Variants in CHN2 observed in about 807,000 individuals in gnomAD.
CHN2 encodes chimerin 2.
In CHN2, 35 loss-of-function variants were observed where a neutral mutation model predicts 56.3. That is an observed-to-expected ratio of 0.62 (90% CI 0.47 to 0.82). The LOEUF is 0.82. Ranked by LOEUF, CHN2 falls within the 40% of genes least tolerant of loss-of-function variation. The probability of loss-of-function intolerance (pLI) is 0.00; values close to 1 mark genes in which losing one functional copy is unlikely to be tolerated. For missense variants in CHN2, 491 were observed against 580.5 expected, an observed-to-expected ratio of 0.85 and a Z score of 1.58; for synonymous variants, 210 against 212.8, an observed-to-expected ratio of 0.99 and a Z score of 0.12.
intron 1 of CHN2, among the ~76,000 whole-genome samples, chr7:29,297,447 G>A (rs1404941318): frequency 1.3e-5 from 2 of 152,212 alleles, no homozygotes; most frequent in Non-Finnish European, 2.9e-5. Context: ...CTCAAAGACC[G>A]ATCTGAGGAT....
intron 3 of CHN2, among the ~76,000 whole-genome samples, chr7:29,378,377 G>C (rs999625725): frequency 6.6e-6 from 1 of 152,188 alleles, no homozygotes; most frequent in Admixed American, 6.5e-5. Flanking sequence ...TCTGTGTTTT[G>C]AGCTAAGAAT....
intron 1 of CHN2, among the ~76,000 whole-genome samples, chr7:29,321,571 T>A (rs1469161204): frequency 5.1e-4 from 6 of 11,738 alleles, no homozygotes. Flanking sequence ...TCTTTCTTTC[T>A]TTTTTTTTTT....
At chr7:29,375,190 CTTTTTTTTTT>C (rs70980534) in intron 3 of CHN2, among the ~76,000 whole-genome samples, 2 of 77,908 alleles carry the variant, frequency 2.6e-5, no homozygotes, top group East Asian at 8.3e-4. Flanking sequence ...GTGCTCGGCC[CTTTTTTTTTT>C]TTTTTTTTTT....
At chr7:29,206,909 A>G (rs1784559913) in intron 1 of CHN2, among the ~76,000 whole-genome samples, 1 of 152,226 alleles carries the variant, frequency 6.6e-6, no homozygotes, top group Non-Finnish European at 1.5e-5. Context: ...TCCTAGAGAC[A>G]GAAAGTAGAT....
At chr7:29,353,238 G>GCTTC (rs1171651438) in intron 1 of CHN2, among the ~76,000 whole-genome samples, 1 of 152,210 alleles carries the variant, frequency 6.6e-6, no homozygotes, top group African/African-American at 2.4e-5. Context: ...CATTTAAGCT[G>GCTTC]CACAAGTGAG....
At chr7:29,157,635 A>G (rs1230826457) in intron 2 of CHN2, among the ~76,000 whole-genome samples, 1 of 152,136 alleles carries the variant, frequency 6.6e-6, no homozygotes, top group African/African-American at 2.4e-5. Context: ...GTCAAATGTT[A>G]TTTCTCTCCG....
intron 1 of CHN2, among the ~76,000 whole-genome samples, chr7:29,249,734 G>C (rs190499199): frequency 2.0e-5 from 3 of 152,052 alleles, no homozygotes; most frequent in Non-Finnish European, 4.4e-5. Context: ...CTTAATAGCC[G>C]CTCCAATGTG....
At chr7:29,479,738 TAAG>T in intron 6 of CHN2, 2 of 1,121,706 alleles carry the variant, frequency 1.8e-6, no homozygotes, top group South Asian at 2.5e-5. Flanking sequence ...AATGTGCTAA[TAAG>T]GAGGAGAGAC....
chr7:29,399,351 G>C (rs767500979), intron 5 of CHN2, among the ~76,000 whole-genome samples: 22 of 152,084 alleles, frequency 1.4e-4, no homozygotes, highest in Non-Finnish European at 2.6e-4. Context: ...GTTCTCTCAG[G>C]GTTCACCTTG....
chr7:29,205,339 C>T (rs187559771), intron 1 of CHN2, among the ~76,000 whole-genome samples: 15 of 152,254 alleles, frequency 9.9e-5, no homozygotes, highest in African/African-American at 3.4e-4. Flanking sequence ...CCAAGGGTGG[C>T]GTTGTGTTAT....
intron 9 of CHN2, 89 bp from the exon 10 acceptor site, chr7:29,504,655 A>T: frequency 1.3e-6 from 1 of 796,932 alleles, no homozygotes; most frequent in Non-Finnish European, 2.1e-6. Context: ...ATTTTCTGAT[A>T]GCATGTAGTA....
intron 8 of CHN2, among the ~76,000 whole-genome samples, chr7:29,499,035 C>T (rs543147424): frequency 6.9e-4 from 105 of 152,272 alleles, no homozygotes; most frequent in Non-Finnish European, 1.3e-3. Flanking sequence ...GCTGGGATTA[C>T]AGGCGTGAGC....
chr7:29,230,183 A>T (rs1205423461), intron 1 of CHN2, among the ~76,000 whole-genome samples: 2 of 152,108 alleles, frequency 1.3e-5, no homozygotes, highest in East Asian at 3.9e-4. Flanking sequence ...GCTATCTAAG[A>T]TCATTTGGCT....
At chr7:29,434,661 T>G (rs1006820792) in intron 6 of CHN2, among the ~76,000 whole-genome samples, 5 of 152,208 alleles carry the variant, frequency 3.3e-5, no homozygotes, top group African/African-American at 9.6e-5. Context: ...TTAACTTTAT[T>G]ACATCTGCCA....
intron 6 of CHN2, among the ~76,000 whole-genome samples, chr7:29,472,281 A>ACACACACACACACACACG (rs34003198): frequency 4.8e-4 from 69 of 143,560 alleles, no homozygotes; most frequent in Middle Eastern, 3.6e-3. Context: ...ATACACACAC[A>ACACACACACACACACACG]CACACACACA....
At chr7:29,426,932 C>T (rs190525277) in intron 6 of CHN2, among the ~76,000 whole-genome samples, 1 of 152,356 alleles carries the variant, frequency 6.6e-6, no homozygotes, top group Non-Finnish European at 1.5e-5. Flanking sequence ...TCATCACGTC[C>T]ATCTGCCAGT....
chr7:29,398,616 G>T, intron 5 of CHN2, 130 bp downstream of exon 5: 2 of 595,974 alleles, frequency 3.4e-6, no homozygotes, highest in Admixed American at 2.6e-5. Context: ...TATGTTATGA[G>T]GGGGGGGTCC....
At chr7:29,460,953 A>G (rs975420853) in intron 6 of CHN2, among the ~76,000 whole-genome samples, 13 of 152,218 alleles carry the variant, frequency 8.5e-5, no homozygotes, top group Admixed American at 2.6e-4. Flanking sequence ...GCTTAAAAGA[A>G]ATAGTAATTG....
intron 9 of CHN2, among the ~76,000 whole-genome samples, chr7:29,502,565 C>G (rs1188361267): frequency 6.6e-6 from 1 of 152,196 alleles, no homozygotes; most frequent in Non-Finnish European, 1.5e-5. Flanking sequence ...TTCTGCTACT[C>G]TGGCAAACTC....
Sources: allele counts gnomAD v4.1 joint callset (sites outside exome capture counted in the v4.1 genomes callset), GRCh38; gene constraint gnomAD v4.1.1; transcripts MANE v1.5; gene names NCBI Gene and HGNC (gene_info 2026-07-23, HGNC 2026-07-21).